Variants in PLEKHG1 observed in about 807,000 individuals in gnomAD.
PLEKHG1 encodes pleckstrin homology domain-containing family G member 1.
PLEKHG1 carries 44 observed loss-of-function variants against 100.8 expected under a neutral mutation model. The observed-to-expected ratio is 0.44, with a 90% CI of 0.34 to 0.56. PLEKHG1 has a LOEUF of 0.56. Among genes scored for constraint, PLEKHG1 ranks in the 20% least tolerant of loss-of-function variants. The probability of loss-of-function intolerance (pLI) is 0.01; values close to 1 mark genes in which losing one functional copy is unlikely to be tolerated. For synonymous variants in PLEKHG1, 640 were observed against 662.5 expected, an observed-to-expected ratio of 0.97 and a Z score of 0.52; for missense variants, 1,545 against 1,720.9, an observed-to-expected ratio of 0.90 and a Z score of 1.81.
intron 13 of PLEKHG1, among the ~76,000 whole-genome samples, chr6:150,821,651 T>G (rs1362341625): frequency 6.6e-6 from 1 of 151,748 alleles, no homozygotes; most frequent in Admixed American, 6.6e-5. Context: ...GCCATTGCAC[T>G]CCAGCCTGGG....
chr6:150,681,015 A>T (rs1052626089), intron 3 of PLEKHG1, among the ~76,000 whole-genome samples: 1 of 152,228 alleles, frequency 6.6e-6, no homozygotes, highest in Non-Finnish European at 1.5e-5. Context: ...TCCAAATTCT[A>T]TATGAATTTA....
At chr6:150,608,976 A>G (rs1776715018) in intron 1 of PLEKHG1, among the ~76,000 whole-genome samples, 1 of 152,234 alleles carries the variant, frequency 6.6e-6, no homozygotes. Context: ...TGGTTGTCAC[A>G]CATAAGTTTT....
chr6:150,811,863 G>A (rs931928153), intron 10 of PLEKHG1, among the ~76,000 whole-genome samples: 4 of 152,296 alleles, frequency 2.6e-5, no homozygotes, highest in African/African-American at 9.6e-5. Context: ...TCAGTCCTGT[G>A]TTCTGAGAGT....
intron 1 of PLEKHG1, among the ~76,000 whole-genome samples, chr6:150,629,188 A>G (rs1777639717): frequency 6.6e-6 from 1 of 152,184 alleles, no homozygotes; most frequent in African/African-American, 2.4e-5. Context: ...GCTTGAAGCG[A>G]TGCTTCTCAC....
At chr6:150,808,985 A>T (rs1196609141) in intron 7 of PLEKHG1, 120 bp from the exon 9 acceptor site, 1 of 715,244 alleles carries the variant, frequency 1.4e-6, no homozygotes, top group Non-Finnish European at 2.4e-6. Context: ...TACCACGTAG[A>T]TAGTTAGACC....
At chr6:150,626,889 C>T (rs567105859) in intron 1 of PLEKHG1, among the ~76,000 whole-genome samples, 3 of 152,032 alleles carry the variant, frequency 2.0e-5, no homozygotes, top group African/African-American at 4.8e-5. Context: ...GAAACTATAA[C>T]CTGAAGTTAA....
intron 14 of PLEKHG1, among the ~76,000 whole-genome samples, chr6:150,824,379 C>T (rs1776472121): frequency 6.6e-6 from 1 of 152,132 alleles, no homozygotes; most frequent in African/African-American, 2.4e-5. Context: ...GTTTAATGTT[C>T]TGTATCTAGA....
chr6:150,628,577 C>CACACACACACACACACACACACACATA (rs3046186), intron 1 of PLEKHG1, among the ~76,000 whole-genome samples: 1 of 147,312 alleles, frequency 6.8e-6, no homozygotes, highest in Admixed American at 6.8e-5. Context: ...CACACACACA[C>CACACACACACACACACACACACACATA]CCCGTCCTTG....
At chr6:150,694,950 T>C (rs1780488515) in intron 3 of PLEKHG1, among the ~76,000 whole-genome samples, 3 of 152,182 alleles carry the variant, frequency 2.0e-5, no homozygotes, top group Non-Finnish European at 4.4e-5. Context: ...TGCATAAACA[T>C]TCCCCCTGGA....
At position 150,823,680 on chromosome 6, in the gene PLEKHG1, A is replaced by G. The variant is rs1476137205; in HGVS notation, c.1470+4A>G. ...AACAGCACAAGACATCCAAAAGGTA[A>G]GCTCTATCTCATTTCTTACTTGGAA... On this transcript the variant is annotated splice_donor_region_variant and intron_variant, in intron 14 of 15. Transcript: ENST00000358517. 2.5e-6 allele frequency: 4 copies of G among 1,609,932 alleles called. No homozygotes were observed. The African/African-American group carries it at 4.0e-5, about 16-fold the overall frequency.
intron 3 of PLEKHG1, among the ~76,000 whole-genome samples, chr6:150,775,853 C>A (rs145336434): frequency 6.6e-6 from 1 of 152,024 alleles, no homozygotes; most frequent in South Asian, 2.1e-4. Flanking sequence ...TTTACCCACG[C>A]TTTTTTCAAC....
chr6:150,714,478 G>A lies in PLEKHG1; in HGVS notation c.-98-19106G>A, dbSNP rs79509027. Among the ~76,000 whole-genome samples the A allele has an allele frequency of 5.8e-3, 878 of 152,316 alleles. 8 individuals are homozygous for A. The highest frequency in any genetic ancestry group is 0.02 in the African/African-American group (848 of 41,578). ...ATCTCAGTTCATGTCATGGCCGACT[G>A]TTGAAAGGTATACGATGGAGATGTC... On this transcript the variant is annotated intron_variant, in intron 3 of 3. Transcript: ENST00000367326.
At chr6:150,641,850 T>TG (rs1462710792) in intron 2 of PLEKHG1, among the ~76,000 whole-genome samples, 1 of 140,230 alleles carries the variant, frequency 7.1e-6, no homozygotes, top group Admixed American at 7.5e-5. Flanking sequence ...TGTCAAAGCC[T>TG]GTTTTACTTG....
At chr6:150,620,044 T>C (rs569472883) in intron 1 of PLEKHG1, among the ~76,000 whole-genome samples, 108 of 152,352 alleles carry the variant, frequency 7.1e-4, no homozygotes, top group Non-Finnish European at 1.3e-3. Context: ...TCTGTATATG[T>C]ATTATCGTTT....
intron 10 of PLEKHG1, among the ~76,000 whole-genome samples, chr6:150,814,921 T>C (rs1441339502): frequency 6.6e-6 from 1 of 152,160 alleles, no homozygotes; most frequent in Non-Finnish European, 1.5e-5. Context: ...GGTTTCACCA[T>C]GTTGGCCAGG....
At chr6:150,743,880 G>A (rs2128624202) in intron 2 of PLEKHG1, among the ~76,000 whole-genome samples, 1 of 152,188 alleles carries the variant, frequency 6.6e-6, no homozygotes, top group South Asian at 2.1e-4. Flanking sequence ...CAGGGATTGT[G>A]CTTATCTTGG....
chr6:150,678,232 A>AG (rs1390315252), intron 3 of PLEKHG1, among the ~76,000 whole-genome samples: 5 of 151,840 alleles, frequency 3.3e-5, no homozygotes, highest in Admixed American at 3.3e-4. Context: ...GGATCACCAG[A>AG]GCCTGTTCCT....
At chr6:150,762,026 TTATG>T (rs1289232546) in intron 2 of PLEKHG1, among the ~76,000 whole-genome samples, 1 of 152,132 alleles carries the variant, frequency 6.6e-6, no homozygotes, top group South Asian at 2.1e-4. Flanking sequence ...TACCAATGGT[TTATG>T]TACTGCAAGT....
At chr6:150,649,747 C>T (rs1213547287) in intron 2 of PLEKHG1, among the ~76,000 whole-genome samples, 4 of 149,006 alleles carry the variant, frequency 2.7e-5, no homozygotes, top group African/African-American at 9.9e-5. Context: ...CGCGGTGGCT[C>T]ATGGCTGTAA....
Sources: allele counts gnomAD v4.1 joint callset (sites outside exome capture counted in the v4.1 genomes callset), GRCh38; gene constraint gnomAD v4.1.1; transcripts MANE v1.5; gene names NCBI Gene and HGNC (gene_info 2026-07-23, HGNC 2026-07-21).